The following ITGA8 variants were observed in gnomAD, a reference collection of about 807,000 sequenced individuals.
ITGA8 encodes integrin alpha-8.
In ITGA8, 91 loss-of-function variants were observed where a neutral mutation model predicts 142.3. That is an observed-to-expected ratio of 0.64 (90% CI 0.54 to 0.76). The LOEUF is 0.76. Ranked by LOEUF, ITGA8 falls within the 30% of genes least tolerant of loss-of-function variation. The pLI is 0.00. For synonymous variants in ITGA8, 505 were observed against 485.2 expected (o/e 1.04, Z -0.54); for missense variants, 1,406 against 1,327.7 (o/e 1.06, Z -0.92).
intron 10 of ITGA8, among the ~76,000 whole-genome samples, chr10:15,656,515 C>T (rs1834188274): frequency 6.6e-6 from 1 of 152,028 alleles, no homozygotes; most frequent in Admixed American, 6.6e-5. Flanking sequence ...AGGTACCTGC[C>T]ACCATGCCCA....
At chr10:15,543,579 T>C (rs771760406) in intron 27 of ITGA8, among the ~76,000 whole-genome samples, 1 of 152,176 alleles carries the variant, frequency 6.6e-6, no homozygotes, top group Non-Finnish European at 1.5e-5. Context: ...AAAACCAATT[T>C]AAACCCTAAT....
chr10:15,678,862 G>A, intron 4 of ITGA8, 79 bp from the exon 5 acceptor site: 1 of 850,748 alleles, frequency 1.2e-6, no homozygotes, highest in Non-Finnish European at 1.9e-6. Context: ...AGGATATTAT[G>A]TTATTTTCTC....
chr10:15,522,216 T>C (rs1024547295), intron 28 of ITGA8, among the ~76,000 whole-genome samples: 6 of 152,196 alleles, frequency 3.9e-5, no homozygotes, highest in Non-Finnish European at 5.9e-5. Context: ...CTCCACAAAT[T>C]TGTACAATTA....
chr10:15,574,320 A>C (rs1326433911), intron 24 of ITGA8, among the ~76,000 whole-genome samples: 1 of 152,224 alleles, frequency 6.6e-6, no homozygotes, highest in East Asian at 1.9e-4. Flanking sequence ...TTCATTTCCA[A>C]TTTGGGTTCT....
chr10:15,716,231 T>G (rs1048979585), intron 2 of ITGA8, among the ~76,000 whole-genome samples: 1 of 152,244 alleles, frequency 6.6e-6, no homozygotes, highest in Non-Finnish European at 1.5e-5. Context: ...CTCACTTTGT[T>G]CCATTTGTGA....
At chr10:15,614,222 G>A (rs371456190) in intron 14 of ITGA8, among the ~76,000 whole-genome samples, 9 of 152,132 alleles carry the variant, frequency 5.9e-5, no homozygotes, top group African/African-American at 1.9e-4. Context: ...CTTGAAGTTT[G>A]CAAATTATCA....
intron 4 of ITGA8, among the ~76,000 whole-genome samples, chr10:15,683,346 A>G (rs965288266): frequency 1.8e-5 from 2 of 112,406 alleles, no homozygotes; most frequent in African/African-American, 7.3e-5. Flanking sequence ...TCCATCCATT[A>G]TGCTATCCCA....
intron 13 of ITGA8, among the ~76,000 whole-genome samples, chr10:15,624,912 T>C (rs953671584): frequency 6.6e-6 from 1 of 152,216 alleles, no homozygotes; most frequent in African/African-American, 2.4e-5. Context: ...CTTAAGTGTC[T>C]GGCATTGCAA....
chr10:15,553,291 C>T (rs1236416750), intron 26 of ITGA8, among the ~76,000 whole-genome samples: 1 of 137,402 alleles, frequency 7.3e-6, no homozygotes, highest in Non-Finnish European at 1.5e-5. Context: ...TACAATCTTC[C>T]AGTTGCCATA....
intron 4 of ITGA8, among the ~76,000 whole-genome samples, chr10:15,683,294 C>T: frequency 1.8e-5 from 1 of 56,730 alleles, no homozygotes; most frequent in South Asian, 1.0e-3. Flanking sequence ...TCCATCCATC[C>T]ACCCATCCAC....
chr10:15,614,695 T>TC, intron 14 of ITGA8, among the ~76,000 whole-genome samples: 1 of 152,126 alleles, frequency 6.6e-6, no homozygotes, highest in South Asian at 2.1e-4. Context: ...TGGATAAGTT[T>TC]CCCCCCAACA....
At chr10:15,610,162 C>A (rs888994203) in intron 15 of ITGA8, among the ~76,000 whole-genome samples, 2 of 152,138 alleles carry the variant, frequency 1.3e-5, no homozygotes, top group African/African-American at 4.8e-5. Context: ...CAACCTAAAC[C>A]TGCCAGTTAA....
intron 2 of ITGA8, among the ~76,000 whole-genome samples, chr10:15,713,210 T>C (rs1383845615): frequency 6.6e-6 from 1 of 152,244 alleles, no homozygotes; most frequent in Non-Finnish European, 1.5e-5. Context: ...CCAGTCATAG[T>C]AGCCATCATG....
At position 15,517,232 on chromosome 10, in the gene ITGA8, C is replaced by T. The variant is rs1564332304; in HGVS notation, c.3118G>A (p.Asp1040Asn). Reference protein sequence around the residue: ...TLALWKCGFFDRARPPQEDMT... With the variant: ...TLALWKCGFFNRARPPQEDMT... ...TCCTCCTGAGGAGGTCTGGCTCTGT[C>T]AAAGAATCCACACTATAAAGGGAAA... is the stretch of plus-strand genomic sequence containing the variant. The change falls in exon 30 of 30, where the codon GAC (aspartate) becomes AAC (asparagine). Residue 1040 changes from aspartate to asparagine, a missense_variant. Physicochemically the swap from Asp to Asn is conservative, Grantham distance 23. Coordinates refer to ENST00000378076, the MANE Select transcript of ITGA8 (RefSeq NM_003638.3). 2.5e-6 allele frequency: 4 copies of T among 1,611,404 alleles called. No homozygotes were observed. The highest frequency in any genetic ancestry group is 2.5e-6 in the Non-Finnish European group (3 of 1,178,384).
intron 2 of ITGA8, among the ~76,000 whole-genome samples, chr10:15,694,678 C>T (rs867397596): frequency 5.2e-4 from 40 of 77,488 alleles, no homozygotes; most frequent in Non-Finnish European, 6.9e-4. Context: ...TATTTGTCGA[C>T]ATATATATAT....
At chr10:15,566,918 G>T in intron 25 of ITGA8, among the ~76,000 whole-genome samples, 1 of 144,728 alleles carries the variant, frequency 6.9e-6, no homozygotes, top group Non-Finnish European at 1.5e-5. Context: ...ACTGCACCCG[G>T]CCTCTGAGGA....
chr10:15,573,303 G>C (rs9333202), intron 24 of ITGA8, among the ~76,000 whole-genome samples: 43,062 of 152,094 alleles, frequency 0.28, 7,259 homozygotes, highest in Non-Finnish European at 0.38. Flanking sequence ...GCTAAGATTT[G>C]AAGCAGGACT....
At position 15,647,053 on chromosome 10, in the gene ITGA8, T is replaced by C; in HGVS notation, c.1002-2A>G. 1 of 1,612,282 alleles carries C rather than the reference T, an allele frequency of 6.2e-7. No individual in the cohort carries two copies. The highest frequency in any genetic ancestry group is 8.5e-7 in the Non-Finnish European group (1 of 1,179,380). On this transcript the variant is annotated splice_acceptor_variant, in intron 11 of 29. Coordinates refer to ENST00000378076, the MANE Select transcript of ITGA8 (RefSeq NM_003638.3). LOFTEE classifies it high-confidence loss of function. Reference sequence around the variant, plus strand: ...GCCCCAACCAGGACATCATCCAGTCTGTAAGGAACAAAGAAAGCAGCTCAG... The same window carrying C: ...GCCCCAACCAGGACATCATCCAGTCCGTAAGGAACAAAGAAAGCAGCTCAG...
intron 2 of ITGA8, among the ~76,000 whole-genome samples, chr10:15,715,179 C>A (rs968453123): frequency 6.6e-6 from 1 of 152,012 alleles, no homozygotes; most frequent in Non-Finnish European, 1.5e-5. Flanking sequence ...CATGAAGGGG[C>A]ATTCTGTGGG....
Sources: allele counts gnomAD v4.1 joint callset (sites outside exome capture counted in the v4.1 genomes callset), GRCh38; gene constraint gnomAD v4.1.1; transcripts MANE v1.5; gene names NCBI Gene and HGNC (gene_info 2026-07-23, HGNC 2026-07-21).